C11orf42: variants seen among roughly 807,000 people sequenced by gnomAD.
C11orf42 encodes uncharacterized protein C11orf42.
Under a neutral mutation model 27.9 loss-of-function variants are expected in C11orf42, and 24 were observed. The ratio of observed to expected loss-of-function variants is 0.86; its 90% confidence interval spans 0.62 to 1.21. C11orf42 has a LOEUF of 1.21. C11orf42 is among the 50% of genes most tolerant of loss of function. C11orf42 has a pLI of 0.00. For missense variants in C11orf42, 455 were observed against 424.1 expected (o/e 1.07, Z -0.64); for synonymous variants, 187 against 180.8 (o/e 1.03, Z -0.28).
rs368065381 is a variant in C11orf42, at chr11:6,210,883, C to T, written c.872-29C>T. The T allele has an allele frequency of 2.5e-6, 4 of 1,576,742 alleles. No individual in the cohort carries two copies. In the African/African-American group the frequency reaches 5.5e-5, roughly 22 times the overall value. On this transcript the variant is annotated intron_variant, in intron 2 of 2. Transcript: ENST00000316375. The surrounding 1 kb of genome is among the most constrained non-coding windows in gnomAD (Gnocchi z 4.0). The stretch of plus-strand genomic sequence containing the variant: ...GGGGGGGAAAAGACCAGCCATGAGT[C>T]AAGCTGTGACTATCCCCAACCCTGG...
At position 6,209,687 on chromosome 11, in the gene C11orf42, A is replaced by C. The variant is rs1033789392; in HGVS notation, c.73-163A>C. ...AGTACTTAGATAGTTTGACACGTAA[A>C]CATTCAAGGTTTTGCTGCCGGAGAG... On this transcript the variant is annotated intron_variant, in intron 1 of 2. Transcript: ENST00000316375. 3.9e-5 allele frequency among the ~76,000 whole-genome samples: 6 copies of C among 152,242 alleles called. No homozygotes were observed. The East Asian group carries it at 1.2e-3, about 29-fold the overall frequency.
rs769238285 is a variant in C11orf42 at position 6,210,060 on chromosome 11, C to G, written c.283C>G (p.His95Asp). Residue 95 changes from histidine to aspartate, a missense_variant, in exon 2 of 3, where the codon CAC (histidine) becomes GAC (aspartate). Transcript: ENST00000316375. This position sits in a 1 kb window ranked among gnomAD's most constrained non-coding sequence, Gnocchi z 4.0. ...EQAGSEGAFA[H>D]CTREYSPNGR... ...GGCAGGATCTGAGGGTGCCTTCGCC[C>G]ACTGCACTCGGGAATACTCACCAAA... 4 of 1,614,236 alleles carry G rather than the reference C, an allele frequency of 2.5e-6. No individual in the cohort carries two copies. The South Asian group carries it at 4.4e-5, about 18-fold the overall frequency.
Position 6,205,665 on chromosome 11 carries a change from C to T in C11orf42, c.50C>T (p.Thr17Ile). 6.2e-7 allele frequency: 1 copy of T among 1,613,814 alleles called. No homozygotes were observed. The highest frequency in any genetic ancestry group is 2.2e-5 in the East Asian group (1 of 44,858). The change falls in exon 1 of 3, where the codon ACC becomes ATC. Residue 17 changes from threonine to isoleucine, a missense_variant. Transcript: ENST00000316375. ...CTGACACTGGATGAAGCTGATGCCA[C>T]CTGGACCCTCATCAAGGATAAGGTA... ...NLLTLDEADA[T>I]WTLIKDKVIE...
rs1192183917 is a variant in C11orf42 at position 6,211,100 on chromosome 11, T to G, written c.*58T>G. The G allele has an allele frequency of 3.8e-6, 6 of 1,588,308 alleles. No individual in the cohort carries two copies. In the African/African-American group the frequency reaches 8.2e-5, roughly 22 times the overall value. On this transcript the variant is annotated 3_prime_UTR_variant, in exon 3 of 3. Transcript: ENST00000316375. ...CCAAGATCTGGCATAGGGGTACTGG[T>G]CTCTAATAAACATCAGCTGCTGCTC... is the stretch of plus-strand genomic sequence containing the variant.
intron 1 of C11orf42, among the ~76,000 whole-genome samples, chr11:6,207,026 T>C (rs1210981971): frequency 6.6e-6 from 1 of 152,170 alleles, no homozygotes; most frequent in Non-Finnish European, 1.5e-5. Context: ...GAGCTCCACA[T>C]TCAGAATTTG....
In C11orf42 at chr11:6,205,642, G is replaced by A; in HGVS notation, c.27G>A (p.Leu9=). 2 of 1,613,902 alleles carry A rather than the reference G, an allele frequency of 1.2e-6. No homozygotes were observed. Among genetic ancestry groups the A allele is most frequent in the Non-Finnish European group, 1.7e-6 (2 of 1,179,872 alleles). The change falls in exon 1 of 3, where the codon CTG becomes CTA. Residue 9 remains leucine (L), a synonymous_variant. Transcript: ENST00000316375. ...TGTTGGTGGGTACCCCCAACCTGCT[G>A]ACACTGGATGAAGCTGATGCCACCT... MLVGTPNL[L]TLDEADATWT...
chr11:6,209,985 G>A lies in C11orf42; in HGVS notation c.208G>A (p.Gly70Ser). Residue 70 changes from glycine to serine, a missense_variant, in exon 2 of 3, where the codon GGC (glycine) becomes AGC (serine). Gly to Ser is a moderately conservative substitution (Grantham distance 56). Coordinates refer to ENST00000316375, the MANE Select transcript of C11orf42 (RefSeq NM_173525.3). ...HTRLALPGRQ[G>S]RRALKPVGPL... ...CCGCCTGGCTTTGCCAGGTCGGCAGGGCCGGAGGGCACTGAAACCAGTGGG... is the reference window on the plus strand; with the variant it reads ...CCGCCTGGCTTTGCCAGGTCGGCAGAGCCGGAGGGCACTGAAACCAGTGGG... 6.2e-7 allele frequency: 1 copy of A among 1,613,976 alleles called. No individual in the cohort carries two copies. The highest frequency in any genetic ancestry group is 8.5e-7 in the Non-Finnish European group (1 of 1,179,810).
In C11orf42 at chr11:6,210,674, G is replaced by C; in HGVS notation, c.871+26G>C. ...GTACTACTAGGGGAAATGATGATGA[G>C]ATGGATGGGAGGGACAAAGTGAAGG... On this transcript the variant is annotated intron_variant, in intron 2 of 2. Coordinates refer to ENST00000316375, the MANE Select transcript of C11orf42 (RefSeq NM_173525.3). The surrounding 1 kb of genome is among the most constrained non-coding windows in gnomAD (Gnocchi z 4.0). The C allele has an allele frequency of 6.2e-7, 1 of 1,605,458 alleles. No individual in the cohort carries two copies. The highest frequency in any genetic ancestry group is 8.5e-7 in the Non-Finnish European group (1 of 1,174,722).
chr11:6,209,720 G>C (rs114818546), intron 1 of C11orf42, 130 bp from the exon 2 acceptor site: 2 of 899,902 alleles, frequency 2.2e-6, no homozygotes, highest in African/African-American at 3.3e-5. Flanking sequence ...GAGCTGGGAG[G>C]TAAGCAGAAA....
At chr11:6,208,181 G>A (rs1290399155) in intron 1 of C11orf42, among the ~76,000 whole-genome samples, 1 of 151,528 alleles carries the variant, frequency 6.6e-6, no homozygotes, top group African/African-American at 2.4e-5. Flanking sequence ...AGGCCATGAT[G>A]AAACAAACAA....
rs192004530 is a variant in C11orf42 at position 6,208,572 on chromosome 11, G to A, written c.73-1278G>A. ...ATCATGAGTAGCTGGGATTACAGGC[G>A]TGTGCCACCACACCCAGCTAATTTT... On this transcript the variant is annotated intron_variant, in intron 1 of 2. Coordinates refer to ENST00000316375, the MANE Select transcript of C11orf42 (RefSeq NM_173525.3). Among the ~76,000 whole-genome samples the A allele has an allele frequency of 2.5e-3, 382 of 152,200 alleles. 3 individuals are homozygous for A. The highest frequency in any genetic ancestry group is 8.8e-3 in the African/African-American group (366 of 41,526).
chr11:6,209,774 C>G, intron 1 of C11orf42, 76 bp from the exon 2 acceptor site: 1 of 1,406,070 alleles, frequency 7.1e-7, no homozygotes, highest in Non-Finnish European at 9.7e-7. Context: ...GAACGTGAAC[C>G]TGGGGGTCAA....
chr11:6,210,948 G>C lies in C11orf42; in HGVS notation c.908G>C (p.Gly303Ala), dbSNP rs1374346369. 3 of 1,608,790 alleles carry C rather than the reference G, an allele frequency of 1.9e-6. No individual in the cohort carries two copies. The African/African-American group carries it at 4.0e-5, about 22-fold the overall frequency. The stretch of plus-strand genomic sequence containing the variant: ...TTCAGCCCCCGCAGCCCTCCACCAG[G>C]AGCCCAGGGTGGGGGCCCCAGGGAC... ...WLFSPRSPPP[G>A]AQGGGPRDPD... The change falls in exon 3 of 3, where the codon GGA becomes GCA. Residue 303 changes from glycine (G) to alanine (A), a missense_variant. Physicochemically the swap from Gly to Ala is moderately conservative, Grantham distance 60 (BLOSUM62 0). Coordinates refer to ENST00000316375, the MANE Select transcript of C11orf42 (RefSeq NM_173525.3). This position sits in a 1 kb window ranked among gnomAD's most constrained non-coding sequence, Gnocchi z 4.0.
chr11:6,210,043 C>A lies in C11orf42; in HGVS notation c.266C>A (p.Ser89Tyr), dbSNP rs1234986445. ...PLPSLLEQAG[S>Y]EGAFAHCTRE... Reference sequence around the variant, plus strand: ...CCAAGCCTCCTGGAGCAGGCAGGATCTGAGGGTGCCTTCGCCCACTGCACT... The same window carrying A: ...CCAAGCCTCCTGGAGCAGGCAGGATATGAGGGTGCCTTCGCCCACTGCACT... Residue 89 changes from serine to tyrosine, a missense_variant, in exon 2 of 3, where the codon TCT becomes TAT. Ser to Tyr is a moderately radical substitution (Grantham distance 144). Coordinates refer to ENST00000316375, the MANE Select transcript of C11orf42 (RefSeq NM_173525.3). The surrounding 1 kb of genome is among the most constrained non-coding windows in gnomAD (Gnocchi z 4.0). 1 of 1,614,262 alleles carries A rather than the reference C, an allele frequency of 6.2e-7. No homozygotes were observed. Among genetic ancestry groups the A allele is most frequent in the East Asian group, 2.2e-5 (1 of 44,890 alleles).
chr11:6,207,209 C>G (rs572047765), intron 1 of C11orf42, among the ~76,000 whole-genome samples: 1 of 152,112 alleles, frequency 6.6e-6, no homozygotes, highest in Non-Finnish European at 1.5e-5. Context: ...CACAGTCTCC[C>G]TAACAAAGAA....
At chr11:6,208,385 A>G (rs1282504720) in intron 1 of C11orf42, among the ~76,000 whole-genome samples, 2 of 152,178 alleles carry the variant, frequency 1.3e-5, no homozygotes, top group Non-Finnish European at 2.9e-5. Context: ...ATTTCTGCGT[A>G]ACCTACTATT....
chr11:6,209,947 G>T lies in C11orf42; in HGVS notation c.170G>T (p.Arg57Leu). Reference protein sequence around the residue: ...DLLGVLVKQSRPAHTRLALPG... With the variant: ...DLLGVLVKQSLPAHTRLALPG... ...CTGGGTGTGCTGGTAAAACAGTCCCGCCCAGCCCATACCCGCCTGGCTTTG... is the reference window on the plus strand; with the variant it reads ...CTGGGTGTGCTGGTAAAACAGTCCCTCCCAGCCCATACCCGCCTGGCTTTG... Residue 57 changes from arginine to leucine, a missense_variant, in exon 2 of 3, where the codon CGC becomes CTC. Coordinates refer to ENST00000316375, the MANE Select transcript of C11orf42 (RefSeq NM_173525.3). 2 of 1,612,438 alleles carry T rather than the reference G, an allele frequency of 1.2e-6. No individual in the cohort carries two copies. The highest frequency in any genetic ancestry group is 1.7e-4 in the Middle Eastern group (1 of 5,998).
chr11:6,209,935 TAA>T lies in C11orf42; in HGVS notation c.161_162del (p.Lys54ThrfsTer36). 1.9e-6 allele frequency: 3 copies of T among 1,610,434 alleles called. No individual in the cohort carries two copies. The highest frequency in any genetic ancestry group is 2.5e-6 in the Non-Finnish European group (3 of 1,176,940). ...TGCTATGACCTACTGGGTGTGCTGG[TAA>T]AACAGTCCCGCCCAGCCCATACCCG... is the stretch of plus-strand genomic sequence containing the variant. On this transcript the variant is annotated frameshift_variant, in exon 2 of 3. Transcript: ENST00000316375. LOFTEE classifies it high-confidence loss of function.
chr11:6,208,599 C>G (rs1305029684), intron 1 of C11orf42, among the ~76,000 whole-genome samples: 2 of 152,158 alleles, frequency 1.3e-5, no homozygotes, highest in East Asian at 3.9e-4. Context: ...GCTAATTTTT[C>G]TATTTTTAGT....
Sources: allele counts gnomAD v4.1 joint callset (sites outside exome capture counted in the v4.1 genomes callset), GRCh38; gene constraint gnomAD v4.1.1; non-coding constraint Gnocchi (gnomAD v3.1); transcripts MANE v1.5; gene names NCBI Gene and HGNC (gene_info 2026-07-23, HGNC 2026-07-21).